EPHB1: variants seen among roughly 807,000 people sequenced by gnomAD.
EPHB1 encodes EPH receptor B1.
Under a neutral mutation model 94.4 loss-of-function variants are expected in EPHB1, and 30 were observed. That is an observed-to-expected ratio of 0.32 (90% CI 0.24 to 0.43). EPHB1 has a LOEUF of 0.43. EPHB1 is among the 20% of genes least tolerant of loss of function. EPHB1 has a pLI of 1.00. For synonymous variants in EPHB1, 522 were observed against 489.1 expected (o/e 1.07, Z -0.89); for missense variants, 1,055 against 1,308.3 (o/e 0.81, Z 2.99).
intron 3 of EPHB1, among the ~76,000 whole-genome samples, chr3:134,978,354 G>T (rs1934272524): frequency 1.3e-5 from 2 of 152,116 alleles, no homozygotes; most frequent in African/African-American, 4.8e-5. Context: ...CGACCTATGG[G>T]AGGCTCTTCT....
At chr3:134,865,734 C>G (rs555362185) in intron 1 of EPHB1, among the ~76,000 whole-genome samples, 2 of 151,242 alleles carry the variant, frequency 1.3e-5, no homozygotes, top group African/African-American at 2.4e-5. Flanking sequence ...TAAAGTCAAA[C>G]AAGCAAGATG....
chr3:135,168,261 C>T (rs890532635), intron 9 of EPHB1, among the ~76,000 whole-genome samples: 2 of 152,236 alleles, frequency 1.3e-5, no homozygotes, highest in Non-Finnish European at 2.9e-5. Flanking sequence ...TGCACTGGCT[C>T]GAGCACTGCT....
chr3:135,114,824 A>G (rs1407957190), intron 4 of EPHB1, among the ~76,000 whole-genome samples: 2 of 152,148 alleles, frequency 1.3e-5, no homozygotes, highest in Non-Finnish European at 2.9e-5. Context: ...TGATTTTATT[A>G]CTATTATCAG....
At chr3:135,070,044 T>C (rs992534608) in intron 3 of EPHB1, among the ~76,000 whole-genome samples, 3 of 152,180 alleles carry the variant, frequency 2.0e-5, no homozygotes, top group Non-Finnish European at 4.4e-5. Context: ...GCTTCCACAG[T>C]GTTTAACTGT....
intron 3 of EPHB1, among the ~76,000 whole-genome samples, chr3:135,062,695 T>C (rs1333736777): frequency 1.3e-5 from 2 of 152,230 alleles, no homozygotes; most frequent in African/African-American, 4.8e-5. Context: ...TTTAATTAAG[T>C]CCCAGCTATT....
chr3:134,951,520 C>T lies in EPHB1; in HGVS notation c.273C>T (p.Phe91=), dbSNP rs1044043152. ...ATCGCATCTACACAGAGATGCGCTT[C>T]ACTGTGAGAGACTGCAGCAGCCTCC... ...GAHRIYTEMR[F]TVRDCSSLPN... Residue 91 remains phenylalanine (F), a synonymous_variant, in exon 3 of 16, where the codon TTC becomes TTT. Coordinates refer to ENST00000398015, the MANE Select transcript of EPHB1 (RefSeq NM_004441.5). This position sits in a 1 kb window ranked among gnomAD's most constrained non-coding sequence, Gnocchi z 4.5. 2 of 1,613,774 alleles carry T rather than the reference C, an allele frequency of 1.2e-6. No individual in the cohort carries two copies. The highest frequency in any genetic ancestry group is 1.7e-6 in the Non-Finnish European group (2 of 1,179,846).
chr3:135,018,120 A>G (rs1935863451), intron 3 of EPHB1, among the ~76,000 whole-genome samples: 1 of 152,014 alleles, frequency 6.6e-6, no homozygotes, highest in African/African-American at 2.4e-5. Flanking sequence ...AAAGGGGAAA[A>G]AACATCTTCT....
intron 10 of EPHB1, 89 bp from the exon 11 acceptor site, chr3:135,192,487 G>T (rs1576458951): frequency 6.8e-7 from 1 of 1,460,336 alleles, no homozygotes; most frequent in East Asian, 2.3e-5. Flanking sequence ...ATTCCACTTG[G>T]GGCACCATTG....
intron 12 of EPHB1, among the ~76,000 whole-genome samples, chr3:135,206,738 A>G (rs1942911829): frequency 6.6e-6 from 1 of 152,194 alleles, no homozygotes; most frequent in African/African-American, 2.4e-5. Flanking sequence ...AATCCCAGCT[A>G]CTTGGGAGGC....
intron 11 of EPHB1, among the ~76,000 whole-genome samples, chr3:135,197,868 TG>T (rs1942663978): frequency 6.6e-6 from 1 of 152,200 alleles, no homozygotes. Context: ...TTCATATCTC[TG>T]GAAGTTCTTT....
intron 1 of EPHB1, among the ~76,000 whole-genome samples, chr3:134,887,292 G>C (rs963136843): frequency 5.9e-5 from 9 of 152,204 alleles, no homozygotes; most frequent in Non-Finnish European, 1.3e-4. Flanking sequence ...AGCATGATGA[G>C]CTCAGGGTCC....
chr3:135,227,751 TAATGTC>T (rs1943434943), intron 12 of EPHB1, among the ~76,000 whole-genome samples: 2 of 152,262 alleles, frequency 1.3e-5, no homozygotes, highest in South Asian at 4.1e-4. Flanking sequence ...TTTAAAAAAA[TAATGTC>T]AAACTTAAAG....
chr3:134,818,020 AC>A (rs1393278944), intron 1 of EPHB1, among the ~76,000 whole-genome samples: 2 of 151,510 alleles, frequency 1.3e-5, no homozygotes, highest in African/African-American at 4.9e-5. Context: ...TCCCCGCCCC[AC>A]TCCTGGCTCA....
chr3:134,947,098 T>C (rs899582574), intron 2 of EPHB1, among the ~76,000 whole-genome samples: 7 of 152,214 alleles, frequency 4.6e-5, no homozygotes, highest in Admixed American at 3.3e-4. Flanking sequence ...TTTCTCTCAC[T>C]AGATTATAAG....
At chr3:135,030,655 C>A (rs935936173) in intron 3 of EPHB1, among the ~76,000 whole-genome samples, 2 of 152,222 alleles carry the variant, frequency 1.3e-5, no homozygotes, top group African/African-American at 4.8e-5. Context: ...TTTAAGTCCG[C>A]AGAGGTTACT....
intron 10 of EPHB1, among the ~76,000 whole-genome samples, chr3:135,184,959 C>A (rs148678271): frequency 7.2e-5 from 11 of 152,360 alleles, no homozygotes; most frequent in Admixed American, 1.3e-4. Context: ...TTGAATGGCA[C>A]TCCTGGGTGC....
rs560180834 is a variant in EPHB1 at position 134,966,231 on chromosome 3, G to A, written c.805+14179G>A. On this transcript the variant is annotated intron_variant, in intron 3 of 15. Coordinates refer to ENST00000398015, the MANE Select transcript of EPHB1 (RefSeq NM_004441.5). ...AGAGCAAGAGAATGAGAGTGAGCCT[G>A]GAAGAGAGACACAACAGAGAGGCCA... Among the ~76,000 whole-genome samples, 4 of 152,310 alleles carry A rather than the reference G, an allele frequency of 2.6e-5. No individual in the cohort carries two copies. In the East Asian group the frequency reaches 7.7e-4, roughly 29 times the overall value.
chr3:135,091,613 C>G (rs1488640789), intron 3 of EPHB1, among the ~76,000 whole-genome samples: 3 of 152,094 alleles, frequency 2.0e-5, no homozygotes, highest in Non-Finnish European at 4.4e-5. Context: ...TGTGGGCTCA[C>G]CAAACTCTGG....
At chr3:135,154,517 T>G in intron 6 of EPHB1, 2 of 453,624 alleles carry the variant, frequency 4.4e-6, no homozygotes, top group Non-Finnish European at 7.8e-6. Context: ...GCAATCTGGA[T>G]AGTTCACTGG....
Sources: gnomAD v4.1 joint callset for allele counts (sites outside exome capture counted in the v4.1 genomes callset) on GRCh38, gnomAD v4.1.1 for gene constraint, Gnocchi (gnomAD v3.1) non-coding constraint, MANE v1.5 for transcripts, NCBI Gene and HGNC (gene_info 2026-07-23, HGNC 2026-07-21) for gene names.